Variants in CERKL observed in about 807,000 individuals in gnomAD.
CERKL encodes CERK like autophagy regulator.
In CERKL, 61 loss-of-function variants were observed where a neutral mutation model predicts 63.4. The observed-to-expected ratio is 0.96, with a 90% CI of 0.78 to 1.19. The LOEUF is 1.19. Ranked by LOEUF, CERKL falls within the 50% of genes most tolerant of loss-of-function variation. CERKL has a pLI of 0.00. For synonymous variants in CERKL, 250 were observed against 230.5 expected (o/e 1.08, Z -0.77); for missense variants, 675 against 655.5 (o/e 1.03, Z -0.33).
Position 181,548,868 on chromosome 2 carries a change from AC to A in CERKL, c.896-12del. On this transcript the variant is annotated splice_polypyrimidine_tract_variant and intron_variant, in intron 6 of 12. Transcript: ENST00000410087. ...CCAGCTGTACATGCCCTTGAATATT[AC>A]ATTAAATATTAATCAGTGAGTACAG... 6.2e-7 allele frequency: 1 copy of A among 1,610,602 alleles called. No individual in the cohort carries two copies. The highest frequency in any genetic ancestry group is 8.5e-7 in the Non-Finnish European group (1 of 1,176,928).
At chr2:181,541,078 C>A (rs1574429027) in intron 11 of CERKL, among the ~76,000 whole-genome samples, 1 of 152,208 alleles carries the variant, frequency 6.6e-6, no homozygotes, top group East Asian at 1.9e-4. Context: ...GTATTGAAAT[C>A]CTCGCTCTGT....
At chr2:181,591,319 T>A (rs945498062) in intron 2 of CERKL, among the ~76,000 whole-genome samples, 9 of 151,954 alleles carry the variant, frequency 5.9e-5, no homozygotes, top group African/African-American at 2.2e-4. Context: ...CAGGAAGGAG[T>A]GTTTTCTTCT....
Position 181,615,806 on chromosome 2 carries a change from T to C in CERKL, c.239-11727A>G, listed in dbSNP as rs1038099007. ...CAGGTTAAACTAGGGTTTAAACAAA[T>C]AGGGCTGCTCCTGTAGTTTACTGAA... On this transcript the variant is annotated intron_variant, in intron 1 of 12. Coordinates refer to ENST00000410087, the MANE Select transcript of CERKL (RefSeq NM_201548.5). Among the ~76,000 whole-genome samples, 3 of 152,236 alleles carry C rather than the reference T, an allele frequency of 2.0e-5. No homozygotes were observed. In the South Asian group the frequency reaches 6.2e-4, roughly 31 times the overall value.
chr2:181,639,924 G>A (rs1328907429), intron 1 of CERKL, among the ~76,000 whole-genome samples: 3 of 152,200 alleles, frequency 2.0e-5, no homozygotes, highest in Non-Finnish European at 4.4e-5. Flanking sequence ...GCACTGCTGT[G>A]TAGCAGCAGT....
chr2:181,591,487 A>T (rs1243627447), intron 2 of CERKL, among the ~76,000 whole-genome samples: 8 of 152,206 alleles, frequency 5.3e-5, no homozygotes. Context: ...ATAATTTTTG[A>T]ACACAATACT....
At chr2:181,656,177 CAA>C (rs1404223182) in intron 1 of CERKL, among the ~76,000 whole-genome samples, 3 of 152,146 alleles carry the variant, frequency 2.0e-5, no homozygotes, top group Admixed American at 2.0e-4. Context: ...TATTAAAAAT[CAA>C]AAGTTTCTAG....
In CERKL at chr2:181,598,872, GA is replaced by G. The variant is rs550852358; in HGVS notation, c.481+4964del. The stretch of plus-strand genomic sequence containing the variant: ...TACACCATAGTCATACCCTCAAGGG[GA>G]AAAAAAAAAAAAGTTTAAGTCCCGC... On this transcript the variant is annotated intron_variant, in intron 2 of 12. Coordinates refer to ENST00000410087, the MANE Select transcript of CERKL (RefSeq NM_201548.5). 3.6e-3 allele frequency among the ~76,000 whole-genome samples: 430 copies of G among 118,686 alleles called. 1 individual carries two copies. Among genetic ancestry groups the G allele is most frequent in the African/African-American group, 0.012 (305 of 26,322 alleles). The allele number at this position is 118,686 out of a possible 152,430, so 77.9% of individuals were successfully genotyped here.
chr2:181,587,383 TAA>T (rs998167515), intron 2 of CERKL, among the ~76,000 whole-genome samples: 3 of 152,162 alleles, frequency 2.0e-5, no homozygotes, highest in African/African-American at 7.2e-5. Flanking sequence ...ATTTAAATGA[TAA>T]AAGAGCTAAG....
intron 2 of CERKL, among the ~76,000 whole-genome samples, chr2:181,594,942 A>G (rs1390689558): frequency 6.6e-6 from 1 of 152,212 alleles, no homozygotes; most frequent in Admixed American, 6.5e-5. Context: ...AGTCTAATGA[A>G]TGCTGGGGGC....
At chr2:181,615,428 T>C (rs566918189) in intron 1 of CERKL, among the ~76,000 whole-genome samples, 13 of 152,352 alleles carry the variant, frequency 8.5e-5, no homozygotes, top group African/African-American at 2.9e-4. Flanking sequence ...GGCACATCTG[T>C]CTGATGTAGA....
chr2:181,643,208 A>G (rs1283404781), intron 1 of CERKL, among the ~76,000 whole-genome samples: 3 of 152,248 alleles, frequency 2.0e-5, no homozygotes, highest in East Asian at 1.9e-4. Flanking sequence ...CTTTAAAATG[A>G]AAGTTCATAG....
At chr2:181,625,670 G>A (rs919212107) in intron 1 of CERKL, among the ~76,000 whole-genome samples, 1 of 152,168 alleles carries the variant, frequency 6.6e-6, no homozygotes, top group African/African-American at 2.4e-5. Context: ...CTTAGATTTA[G>A]TCCCCAACTC....
intron 2 of CERKL, among the ~76,000 whole-genome samples, chr2:181,593,780 G>A (rs765867121): frequency 1.3e-4 from 20 of 150,134 alleles, no homozygotes; most frequent in Non-Finnish European, 1.6e-4. Context: ...CCAGTGTTGC[G>A]ACATTTTTAA....
Position 181,558,345 on chromosome 2 carries a change from G to A in CERKL, c.820+221C>T, listed in dbSNP as rs993671445. Among the ~76,000 whole-genome samples, 11 of 151,994 alleles carry A rather than the reference G, an allele frequency of 7.2e-5. No homozygotes were observed. Among genetic ancestry groups the A allele is most frequent in the Non-Finnish European group, 1.5e-4 (10 of 68,010 alleles). ...AGTACTACAATAACCTTGTAATAAA[G>A]TGAATAATATATCTGTGATCCCTAT... On this transcript the variant is annotated intron_variant, in intron 5 of 12. Coordinates refer to ENST00000410087, the MANE Select transcript of CERKL (RefSeq NM_201548.5). The surrounding 1 kb of genome is among the most constrained non-coding windows in gnomAD (Gnocchi z 4.2).
At chr2:181,645,972 G>A (rs993756802) in intron 1 of CERKL, among the ~76,000 whole-genome samples, 1 of 152,170 alleles carries the variant, frequency 6.6e-6, no homozygotes, top group Non-Finnish European at 1.5e-5. Context: ...AGGCAATACA[G>A]GGAACCAGGA....
chr2:181,553,468 CT>C (rs1371761075), intron 5 of CERKL, among the ~76,000 whole-genome samples: 1 of 152,086 alleles, frequency 6.6e-6, no homozygotes, highest in Non-Finnish European at 1.5e-5. Flanking sequence ...TCTAGAAAGG[CT>C]ATTAAAAAAC....
chr2:181,578,231 C>T (rs150745900), intron 2 of CERKL, among the ~76,000 whole-genome samples: 164 of 146,296 alleles, frequency 1.1e-3, no homozygotes, highest in Non-Finnish European at 1.8e-3. Flanking sequence ...TACACACACA[C>T]ATATATGTGT....
At chr2:181,551,502 A>T (rs539916205) in intron 5 of CERKL, among the ~76,000 whole-genome samples, 1 of 152,190 alleles carries the variant, frequency 6.6e-6, no homozygotes, top group Non-Finnish European at 1.5e-5. Context: ...TGGGCAAAGG[A>T]TACGAACAGA....
At position 181,548,745 on chromosome 2, in the gene CERKL, T is replaced by A; in HGVS notation, c.1008A>T (p.Lys336Asn). 1 of 1,614,050 alleles carries A rather than the reference T, an allele frequency of 6.2e-7. No individual in the cohort carries two copies. Among genetic ancestry groups the A allele is most frequent in the Non-Finnish European group, 8.5e-7 (1 of 1,179,950 alleles). Residue 336 changes from lysine to asparagine, a missense_variant, in exon 7 of 13, where the codon AAA becomes AAT. Coordinates refer to ENST00000410087, the MANE Select transcript of CERKL (RefSeq NM_201548.5). Reference sequence around the variant, plus strand: ...GTTGGTTAGGGGACATCCATCGATATTTTTCTGCCAGAGCCAAAGTTCTTC... The same window carrying A: ...GTTGGTTAGGGGACATCCATCGATAATTTTCTGCCAGAGCCAAAGTTCTTC... ...FGGRTLALAE[K>N]YRWMSPNQRR... is the part of the protein sequence containing the mutation.
Sources: allele counts gnomAD v4.1 joint callset (sites outside exome capture counted in the v4.1 genomes callset), GRCh38; gene constraint gnomAD v4.1.1; non-coding constraint Gnocchi (gnomAD v3.1); transcripts MANE v1.5; gene names NCBI Gene and HGNC (gene_info 2026-07-23, HGNC 2026-07-21).